Variants in PCDH15 observed in about 807,000 individuals in gnomAD.
The protein encoded by PCDH15 is protocadherin related 15.
Under a neutral mutation model 178.5 loss-of-function variants are expected in PCDH15, and 129 were observed. That is an observed-to-expected ratio of 0.72 (90% CI 0.63 to 0.84). The LOEUF is 0.84. PCDH15 is among the 40% of genes least tolerant of loss of function. The probability of loss-of-function intolerance (pLI) is 0.00; values close to 1 mark genes in which losing one functional copy is unlikely to be tolerated. For synonymous variants in PCDH15, 800 were observed against 732.0 expected (o/e 1.09, Z -1.50); for missense variants, 2,230 against 2,099.9 (o/e 1.06, Z -1.21).
chr10:54,734,850 C>T (rs1224704564), intron 1 of PCDH15, among the ~76,000 whole-genome samples: 1 of 149,280 alleles, frequency 6.7e-6, no homozygotes, highest in Non-Finnish European at 1.5e-5. Flanking sequence ...CAGTAAAAAG[C>T]AAAACTATAA....
intron 28 of PCDH15, among the ~76,000 whole-genome samples, chr10:53,851,812 T>C (rs1439825047): frequency 1.3e-5 from 2 of 150,096 alleles, no homozygotes; most frequent in East Asian, 1.9e-4. Context: ...CTAATGTAGG[T>C]TTTGTAACCT....
chr10:55,409,074 A>G (rs1433615657), intron 2 of PCDH15, among the ~76,000 whole-genome samples: 1 of 152,100 alleles, frequency 6.6e-6, no homozygotes, highest in Non-Finnish European at 1.5e-5. Context: ...GGTGCTTCTC[A>G]GTAATTGAAC....
intron 1 of PCDH15, among the ~76,000 whole-genome samples, chr10:55,220,276 T>G (rs1001795903): frequency 2.0e-5 from 3 of 152,022 alleles, no homozygotes; most frequent in Non-Finnish European, 2.9e-5. Context: ...TTTCCATATT[T>G]TCTTCTTATT....
intron 18 of PCDH15, among the ~76,000 whole-genome samples, chr10:54,062,248 A>AC (rs1418431547): frequency 2.0e-3 from 245 of 119,824 alleles, no homozygotes; most frequent in African/African-American, 8.8e-3. Context: ...AAAAAAAAAA[A>AC]AAAACAAAAA....
chr10:55,446,837 T>G (rs1031375021), intron 2 of PCDH15, among the ~76,000 whole-genome samples: 1 of 152,060 alleles, frequency 6.6e-6, no homozygotes, highest in African/African-American at 2.4e-5. Context: ...CACACAGACC[T>G]GTAGTGTGAA....
chr10:53,867,502 C>T (rs989435584), intron 26 of PCDH15, among the ~76,000 whole-genome samples: 1 of 151,986 alleles, frequency 6.6e-6, no homozygotes, highest in Non-Finnish European at 1.5e-5. Context: ...TAAGTAAGTA[C>T]TATTATTATT....
chr10:54,866,738 C>T (rs979496676), intron 3 of PCDH15, among the ~76,000 whole-genome samples: 1 of 151,822 alleles, frequency 6.6e-6, no homozygotes, highest in Non-Finnish European at 1.5e-5. Context: ...AGTTATGTTA[C>T]ATCCCTTTAA....
chr10:54,778,835 T>C (rs1463329603), intron 1 of PCDH15, among the ~76,000 whole-genome samples: 1 of 151,914 alleles, frequency 6.6e-6, no homozygotes, highest in Non-Finnish European at 1.5e-5. Context: ...TATAAAGAGG[T>C]TCAAGAACTC....
chr10:55,542,613 A>T (rs532431920), intron 2 of PCDH15, among the ~76,000 whole-genome samples: 15 of 147,434 alleles, frequency 1.0e-4, no homozygotes, highest in East Asian at 4.1e-4. Flanking sequence ...AGACATATGT[A>T]TGTGTCTATA....
chr10:53,903,406 G>T (rs373067479), intron 25 of PCDH15, 36 bp from the exon 26 acceptor site: 90 of 1,608,218 alleles, frequency 5.6e-5, no homozygotes, highest in Non-Finnish European at 7.3e-5. Flanking sequence ...TTTATTGGTG[G>T]TTATTCATGG....
intron 2 of PCDH15, among the ~76,000 whole-genome samples, chr10:55,499,315 C>T (rs1176838211): frequency 6.6e-6 from 1 of 151,250 alleles, no homozygotes; most frequent in Non-Finnish European, 1.5e-5. Context: ...GAGAAAAATA[C>T]ATTTGAATAC....
chr10:54,979,173 G>A (rs1839154210), intron 2 of PCDH15, among the ~76,000 whole-genome samples: 1 of 151,994 alleles, frequency 6.6e-6, no homozygotes, highest in African/African-American at 2.4e-5. Context: ...ATTTTTTAAA[G>A]GTAAAATGAC....
At chr10:55,272,591 C>T (rs1335356255) in intron 1 of PCDH15, among the ~76,000 whole-genome samples, 1 of 151,778 alleles carries the variant, frequency 6.6e-6, no homozygotes, top group African/African-American at 2.4e-5. Flanking sequence ...CCATACCGGC[C>T]AGGCTGGTCT....
intron 1 of PCDH15, among the ~76,000 whole-genome samples, chr10:55,285,323 T>A (rs914398789): frequency 5.3e-5 from 8 of 151,194 alleles, no homozygotes; most frequent in Admixed American, 5.3e-4. Context: ...GAACCACACA[T>A]AAAATCAACT....
intron 1 of PCDH15, among the ~76,000 whole-genome samples, chr10:55,282,465 G>T (rs558396751): frequency 1.3e-5 from 2 of 152,176 alleles, no homozygotes; most frequent in African/African-American, 4.8e-5. Flanking sequence ...TTCACAGATT[G>T]AATTTTACAT....
At chr10:53,982,360 C>G (rs990689580) in intron 21 of PCDH15, among the ~76,000 whole-genome samples, 7 of 152,110 alleles carry the variant, frequency 4.6e-5, no homozygotes, top group Admixed American at 6.5e-5. Context: ...GCTATAAAGA[C>G]ACATGCACAC....
chr10:54,611,713 G>C (rs2092967694), intron 2 of PCDH15, among the ~76,000 whole-genome samples: 3 of 151,780 alleles, frequency 2.0e-5, no homozygotes, highest in Admixed American at 2.0e-4. Context: ...GCACCTTAGG[G>C]TTAGTCCAGA....
At chr10:54,849,751 C>T (rs1012970690) in intron 3 of PCDH15, among the ~76,000 whole-genome samples, 1 of 152,050 alleles carries the variant, frequency 6.6e-6, no homozygotes, top group Admixed American at 6.6e-5. Context: ...TTGCACCAAC[C>T]TAAATAGATT....
chr10:55,355,346 C>G (rs576018187), intron 2 of PCDH15, among the ~76,000 whole-genome samples: 1 of 151,904 alleles, frequency 6.6e-6, no homozygotes, highest in Non-Finnish European at 1.5e-5. Flanking sequence ...TGTTTTCCAG[C>G]GTCCCACCAG....
Sources: gnomAD v4.1 joint callset for allele counts (sites outside exome capture counted in the v4.1 genomes callset) on GRCh38, gnomAD v4.1.1 for gene constraint, MANE v1.5 for transcripts, NCBI Gene and HGNC (gene_info 2026-07-23, HGNC 2026-07-21) for gene names.